The following HDAC9 variants were observed in gnomAD, a reference collection of about 807,000 sequenced individuals.
HDAC9 encodes the protein MEF-2 interacting transcription repressor (MITR) protein.
A neutral mutation model predicts 139.4 loss-of-function variants in HDAC9; 41 were observed. That is an observed-to-expected ratio of 0.29 (90% CI 0.23 to 0.38). The LOEUF is 0.38. Among genes scored for constraint, HDAC9 ranks in the 10% least tolerant of loss-of-function variants. The pLI, the probability that HDAC9 is intolerant of heterozygous loss-of-function variation, is 1.00. For synonymous variants in HDAC9, 517 were observed against 476.2 expected, an observed-to-expected ratio of 1.09 and a Z score of -1.12; for missense variants, 1,147 against 1,297.0, an observed-to-expected ratio of 0.88 and a Z score of 1.78.
intron 23 of HDAC9, chr7:18,949,351 C>A: frequency 3.9e-6 from 1 of 258,978 alleles, no homozygotes; most frequent in East Asian, 1.0e-4. Context: ...TCCAGATATA[C>A]TTAAGAGCTT....
At chr7:18,106,014 AG>A (rs1783180086) in intron 1 of HDAC9, among the ~76,000 whole-genome samples, 1 of 152,202 alleles carries the variant, frequency 6.6e-6, no homozygotes, top group Non-Finnish European at 1.5e-5. Flanking sequence ...TATAGGAAAT[AG>A]CCAAAGACTA....
chr7:18,967,552 A>T (rs1341607253), intron 24 of HDAC9, among the ~76,000 whole-genome samples: 2 of 144,684 alleles, frequency 1.4e-5, no homozygotes, highest in African/African-American at 5.1e-5. Flanking sequence ...TTTGTTATAA[A>T]TTTTGGTAAA....
chr7:18,703,655 T>A (rs1283350787), intron 12 of HDAC9, among the ~76,000 whole-genome samples: 1 of 152,114 alleles, frequency 6.6e-6, no homozygotes, highest in Non-Finnish European at 1.5e-5. Context: ...GGATTTCAAA[T>A]TGGAAGAGTT....
chr7:18,809,976 C>G (rs931631790), intron 17 of HDAC9, among the ~76,000 whole-genome samples: 1 of 151,936 alleles, frequency 6.6e-6, no homozygotes, highest in African/African-American at 2.4e-5. Flanking sequence ...CCTAAATGTG[C>G]ATTAGCAGAT....
intron 2 of HDAC9, among the ~76,000 whole-genome samples, chr7:18,248,675 A>G (rs1044061834): frequency 2.6e-5 from 4 of 152,198 alleles, no homozygotes; most frequent in African/African-American, 9.6e-5. Context: ...GCTAAAATGC[A>G]ATAAATGATC....
intron 12 of HDAC9, among the ~76,000 whole-genome samples, chr7:18,691,065 A>G: frequency 6.6e-6 from 1 of 152,022 alleles, no homozygotes; most frequent in Non-Finnish European, 1.5e-5. Flanking sequence ...GCAAAATGCT[A>G]ATTTTATTTG....
At chr7:18,281,227 G>A (rs1195016906) in intron 2 of HDAC9, among the ~76,000 whole-genome samples, 1 of 152,196 alleles carries the variant, frequency 6.6e-6, no homozygotes, top group East Asian at 1.9e-4. Flanking sequence ...TGTGTTTCCT[G>A]GAGGATGATA....
At chr7:18,483,656 G>A (rs894237059) in intron 1 of HDAC9, among the ~76,000 whole-genome samples, 4 of 152,110 alleles carry the variant, frequency 2.6e-5, no homozygotes, top group African/African-American at 4.8e-5. Flanking sequence ...AGAACTTCTG[G>A]CAGAATTTTT....
intron 2 of HDAC9, among the ~76,000 whole-genome samples, chr7:18,580,868 G>T (rs938058964): frequency 1.3e-5 from 2 of 152,134 alleles, no homozygotes; most frequent in African/African-American, 4.8e-5. Context: ...ACCATAACTT[G>T]TTGAAACTCA....
intron 2 of HDAC9, among the ~76,000 whole-genome samples, chr7:18,525,243 A>G (rs1806442305): frequency 6.6e-6 from 1 of 152,124 alleles, no homozygotes. Flanking sequence ...AATGACTTGG[A>G]TAGAGACCAG....
At chr7:18,694,799 C>T (rs993392028) in intron 12 of HDAC9, among the ~76,000 whole-genome samples, 1 of 152,082 alleles carries the variant, frequency 6.6e-6, no homozygotes, top group African/African-American at 2.4e-5. Flanking sequence ...AAAGAGGCCC[C>T]TCCAGTTTAT....
intron 1 of HDAC9, among the ~76,000 whole-genome samples, chr7:18,479,964 T>C (rs1048159477): frequency 1.3e-5 from 2 of 151,628 alleles, no homozygotes; most frequent in Admixed American, 1.3e-4. Flanking sequence ...TTCTCCTTTA[T>C]TTTATAAATT....
At chr7:18,829,369 T>C (rs1795692086) in intron 18 of HDAC9, 92 bp from the exon 19 acceptor site, 1 of 1,132,446 alleles carries the variant, frequency 8.8e-7, no homozygotes, top group Non-Finnish European at 1.3e-6. Flanking sequence ...TCAGAGATCA[T>C]ATAGCATTTA....
In HDAC9 at chr7:18,173,266, A is replaced by G. The variant is rs184730600; in HGVS notation, c.25+10917A>G. ...AAAGTCTGTTTTATCAGAGACTAGG[A>G]TTGCAACCCCTGTTTTCTTTTTGCT... On this transcript the variant is annotated intron_variant, in intron 2 of 12. Coordinates refer to the HDAC9 transcript ENST00000417496. Among the ~76,000 whole-genome samples, 579 of 152,218 alleles carry G rather than the reference A, an allele frequency of 3.8e-3. 3 individuals are homozygous for G. The highest frequency in any genetic ancestry group is 7.9e-3 in the Admixed American group (121 of 15,288).
chr7:18,973,270 C>T (rs963393901), intron 24 of HDAC9, among the ~76,000 whole-genome samples: 1 of 152,160 alleles, frequency 6.6e-6, no homozygotes, highest in Non-Finnish European at 1.5e-5. Context: ...CCATAAGCCA[C>T]TAGCCACATG....
chr7:18,960,337 A>AT (rs1220694925), intron 24 of HDAC9, among the ~76,000 whole-genome samples: 3 of 152,000 alleles, frequency 2.0e-5, no homozygotes. Context: ...TATGTTTTGT[A>AT]TATGTGTTTT....
intron 1 of HDAC9, among the ~76,000 whole-genome samples, chr7:18,315,539 A>G (rs888777753): frequency 3.3e-5 from 5 of 152,194 alleles, no homozygotes; most frequent in Admixed American, 6.5e-5. Context: ...TAGATGTCCA[A>G]TTTGCACTAG....
intron 1 of HDAC9, among the ~76,000 whole-genome samples, chr7:18,348,308 A>T (rs1782580691): frequency 6.6e-6 from 1 of 152,198 alleles, no homozygotes; most frequent in African/African-American, 2.4e-5. Context: ...CTTAGCTATC[A>T]ACACTTATTG....
At chr7:18,820,410 G>A (rs552745525) in intron 17 of HDAC9, among the ~76,000 whole-genome samples, 69 of 152,258 alleles carry the variant, frequency 4.5e-4, no homozygotes, top group African/African-American at 1.6e-3. Context: ...AGCAGATACT[G>A]TAAGAATAGT....
Sources: gnomAD v4.1 joint callset for allele counts (sites outside exome capture counted in the v4.1 genomes callset) on GRCh38, gnomAD v4.1.1 for gene constraint, MANE v1.5 for transcripts, NCBI Gene and HGNC (gene_info 2026-07-23, HGNC 2026-07-21) for gene names.